Variants in CTTNBP2NL observed in about 807,000 individuals in gnomAD.
CTTNBP2NL encodes CTTNBP2 N-terminal-like protein.
Under a neutral mutation model 32.5 loss-of-function variants are expected in CTTNBP2NL, and 16 were observed. The observed-to-expected ratio is 0.49, with a 90% CI of 0.33 to 0.75. The LOEUF is 0.75. Among genes scored for constraint, CTTNBP2NL ranks in the 30% least tolerant of loss-of-function variants. The pLI, the probability that CTTNBP2NL is intolerant of heterozygous loss-of-function variation, is 0.02. For missense variants in CTTNBP2NL, 645 were observed against 756.0 expected (o/e 0.85, Z 1.72); for synonymous variants, 298 against 289.4 (o/e 1.03, Z -0.30).
intron 3 of CTTNBP2NL, among the ~76,000 whole-genome samples, chr1:112,441,926 C>T (rs1036370542): frequency 4.0e-5 from 6 of 151,776 alleles, no homozygotes; most frequent in Admixed American, 1.3e-4. Context: ...TACGGTCTCC[C>T]GAAAAAAGAG....
intron 1 of CTTNBP2NL, among the ~76,000 whole-genome samples, chr1:112,399,724 T>C (rs1238955478): frequency 6.6e-6 from 1 of 152,226 alleles, no homozygotes; most frequent in East Asian, 1.9e-4. Flanking sequence ...TCTATGCTGG[T>C]TGGCCCCAGG....
chr1:112,452,179 A>C (rs923823842), intron 4 of CTTNBP2NL, among the ~76,000 whole-genome samples: 1 of 151,948 alleles, frequency 6.6e-6, no homozygotes, highest in Non-Finnish European at 1.5e-5. Flanking sequence ...TTATTTTGAG[A>C]GACAGGGTCT....
At chr1:112,410,870 C>T (rs1483985760) in intron 1 of CTTNBP2NL, among the ~76,000 whole-genome samples, 2 of 152,176 alleles carry the variant, frequency 1.3e-5, no homozygotes, top group Non-Finnish European at 2.9e-5. Context: ...TTGAACTGAT[C>T]TTGTCCTTCA....
intron 3 of CTTNBP2NL, among the ~76,000 whole-genome samples, chr1:112,443,893 A>T (rs113977229): frequency 0.014 from 2,068 of 152,284 alleles, 44 homozygotes; most frequent in African/African-American, 0.047. Context: ...GCTATAAACT[A>T]CTTATAGTTT....
chr1:112,403,005 C>G (rs143574768), intron 1 of CTTNBP2NL, among the ~76,000 whole-genome samples: 1 of 152,296 alleles, frequency 6.6e-6, no homozygotes, highest in East Asian at 1.9e-4. Context: ...CACCCAGTCT[C>G]AAAACCTCAG....
At chr1:112,432,066 A>ATTTTTTTTTTTTTTT (rs11440212) in intron 3 of CTTNBP2NL, among the ~76,000 whole-genome samples, 3 of 91,050 alleles carry the variant, frequency 3.3e-5, no homozygotes, top group Admixed American at 1.5e-4. Flanking sequence ...ATATATTTTG[A>ATTTTTTTTTTTTTTT]TTTTTTTTTT....
chr1:112,459,456 A>T lies in CTTNBP2NL; in HGVS notation c.*2044A>T, dbSNP rs1650480290. ...CTATAATTTAAGTCTATTTCCTTTT[A>T]ATCTAATAAGAGTTGATAGTAAAAA... On this transcript the variant is annotated 3_prime_UTR_variant, in exon 6 of 6. Coordinates refer to ENST00000271277, the MANE Select transcript of CTTNBP2NL (RefSeq NM_018704.3). 6.6e-6 allele frequency: 1 copy of T among 152,150 alleles called. No individual in the cohort carries two copies. The highest frequency in any genetic ancestry group is 6.6e-5 in the Admixed American group (1 of 15,266). The allele number at this position is 152,150 out of a possible 1,614,324, so 9.4% of individuals were successfully genotyped here. A position where few individuals can be genotyped will look rare whatever the true frequency, so the allele number is the denominator to read the frequency against.
rs1650410673 is a variant in CTTNBP2NL at position 112,457,607 on chromosome 1, T to G, written c.*195T>G. On this transcript the variant is annotated 3_prime_UTR_variant, in exon 6 of 6. Transcript: ENST00000271277. ...TTTGGATTTTTATGGCTCACATCTT[T>G]TTACTGAAGCCAGAAAGGCACCTCA... 1.9e-6 allele frequency: 1 copy of G among 539,032 alleles called. No homozygotes were observed. Among genetic ancestry groups the G allele is most frequent in the African/African-American group, 1.9e-5 (1 of 52,492 alleles). 33.4% of individuals were successfully genotyped at this position (539,032 alleles called of 1,614,324 possible). A position where few individuals can be genotyped will look rare whatever the true frequency, so the allele number is the denominator to read the frequency against.
chr1:112,442,242 C>G (rs959505450), intron 3 of CTTNBP2NL, among the ~76,000 whole-genome samples: 12 of 152,206 alleles, frequency 7.9e-5, no homozygotes, highest in African/African-American at 2.9e-4. Flanking sequence ...TCTCCTGCCT[C>G]AGCCTCCCAA....
At chr1:112,443,446 T>C (rs1649952153) in intron 3 of CTTNBP2NL, among the ~76,000 whole-genome samples, 1 of 152,238 alleles carries the variant, frequency 6.6e-6, no homozygotes, top group Admixed American at 6.5e-5. Context: ...ACTCCTCACC[T>C]GAAGTCATCT....
At position 112,422,766 on chromosome 1, in the gene CTTNBP2NL, C is replaced by T. The variant is rs562952844; in HGVS notation, c.99+6502C>T. Among the ~76,000 whole-genome samples, 96 of 152,036 alleles carry T rather than the reference C, an allele frequency of 6.3e-4. 3 individuals carry two copies. The South Asian group carries it at 0.02, about 31-fold the overall frequency. ...TCATGTGCTTATTTGCTAATTTGCT[C>T]TCTGTATTATGTTTTTTTGTTTGTT... On this transcript the variant is annotated intron_variant, in intron 3 of 5. Transcript: ENST00000271277.
Position 112,457,291 on chromosome 1 carries a change from C to CCAA in CTTNBP2NL, c.1800_1802dup (p.Thr600_Lys601insAsn). Reference sequence around the variant, plus strand: ...TCTCCATCTGCTACCACTCCATTGACCAAAACTCATTCCCAGGCAGCCTCT... The same window carrying CCAA: ...TCTCCATCTGCTACCACTCCATTGACCAACAAAACTCATTCCCAGGCAGCCTCT... On this transcript the variant is annotated inframe_insertion, in exon 6 of 6. Transcript: ENST00000271277. 1 of 1,614,176 alleles carries CCAA rather than the reference C, an allele frequency of 6.2e-7. No homozygotes were observed. The highest frequency in any genetic ancestry group is 8.5e-7 in the Non-Finnish European group (1 of 1,180,014).
In CTTNBP2NL at chr1:112,457,278, A is replaced by G. The variant is rs1650399604; in HGVS notation, c.1786A>G (p.Thr596Ala). Residue 596 changes from threonine (T) to alanine (A), a missense_variant, in exon 6 of 6, where the codon ACC (threonine) becomes GCC (alanine). By Grantham distance (58) the Thr-to-Ala change is moderately conservative (BLOSUM62 0). Coordinates refer to ENST00000271277, the MANE Select transcript of CTTNBP2NL (RefSeq NM_018704.3). ...KPGLTPSPSA[T>A]TPLTKTHSQA... The stretch of plus-strand genomic sequence containing the variant: ...TGGCCTCACCCCTTCTCCATCTGCT[A>G]CCACTCCATTGACCAAAACTCATTC... The G allele has an allele frequency of 2.5e-6, 4 of 1,614,134 alleles. No homozygotes were observed. The highest frequency in any genetic ancestry group is 2.5e-6 in the Non-Finnish European group (3 of 1,180,032).
At chr1:112,400,416 T>C (rs1648463863) in intron 1 of CTTNBP2NL, among the ~76,000 whole-genome samples, 1 of 152,114 alleles carries the variant, frequency 6.6e-6, no homozygotes, top group Non-Finnish European at 1.5e-5. Flanking sequence ...ATCACAGCAC[T>C]TTTGGAGGCC....
chr1:112,427,906 A>AAG (rs1207663126), intron 3 of CTTNBP2NL, among the ~76,000 whole-genome samples: 1 of 151,734 alleles, frequency 6.6e-6, no homozygotes, highest in Non-Finnish European at 1.5e-5. Context: ...AAAAAAAAAA[A>AAG]AAAACAGTAA....
intron 3 of CTTNBP2NL, among the ~76,000 whole-genome samples, chr1:112,422,684 A>G (rs1486965165): frequency 1.3e-5 from 2 of 152,198 alleles, no homozygotes; most frequent in Non-Finnish European, 2.9e-5. Flanking sequence ...ATAGGTGTGT[A>G]ATATCTCATT....
intron 3 of CTTNBP2NL, among the ~76,000 whole-genome samples, chr1:112,438,883 C>A (rs940532973): frequency 1.3e-5 from 2 of 152,112 alleles, no homozygotes; most frequent in African/African-American, 4.8e-5. Context: ...CAATGATAGC[C>A]CACCTTTTAC....
intron 1 of CTTNBP2NL, among the ~76,000 whole-genome samples, chr1:112,405,967 C>T (rs970583991): frequency 3.3e-5 from 5 of 151,978 alleles, no homozygotes; most frequent in Admixed American, 1.3e-4. Flanking sequence ...AGGTGGATCA[C>T]GAGGTCAGGG....
At chr1:112,405,289 G>C (rs1648626324) in intron 1 of CTTNBP2NL, among the ~76,000 whole-genome samples, 1 of 152,070 alleles carries the variant, frequency 6.6e-6, no homozygotes. Flanking sequence ...CAGATATCCA[G>C]GTAGACAGAC....
Sources: gnomAD v4.1 joint callset for allele counts (sites outside exome capture counted in the v4.1 genomes callset) on GRCh38, gnomAD v4.1.1 for gene constraint, MANE v1.5 for transcripts, NCBI Gene and HGNC (gene_info 2026-07-23, HGNC 2026-07-21) for gene names.